COMMD1: variants seen among roughly 807,000 people sequenced by gnomAD.
The protein encoded by COMMD1 is COMM domain-containing protein 1.
Under a neutral mutation model 17.2 loss-of-function variants are expected in COMMD1, and 10 were observed. The observed-to-expected ratio is 0.58, with a 90% CI of 0.36 to 0.99. The LOEUF is 0.99. Ranked by LOEUF, COMMD1 falls within the 50% of genes least tolerant of loss-of-function variation. The probability of loss-of-function intolerance (pLI) is 0.01; values close to 1 mark genes in which losing one functional copy is unlikely to be tolerated. For missense variants in COMMD1, 270 were observed against 231.8 expected (o/e 1.17, Z -1.07); for synonymous variants, 97 against 91.6 (o/e 1.06, Z -0.34).
intron 1 of COMMD1, among the ~76,000 whole-genome samples, chr2:61,980,519 A>T: frequency 7.9e-6 from 1 of 126,292 alleles, no homozygotes; most frequent in Non-Finnish European, 1.6e-5. Flanking sequence ...GCATTTCTTC[A>T]TGTGTTTTTT....
At chr2:62,129,377 G>A (rs1231067203) in intron 2 of COMMD1, among the ~76,000 whole-genome samples, 2 of 152,166 alleles carry the variant, frequency 1.3e-5, no homozygotes, top group African/African-American at 4.8e-5. Flanking sequence ...TAATGAATAG[G>A]AAAGGACAAA....
At chr2:61,933,772 C>CTGTTTTT (rs1670531255) in intron 1 of COMMD1, among the ~76,000 whole-genome samples, 1 of 148,586 alleles carries the variant, frequency 6.7e-6, no homozygotes, top group South Asian at 2.1e-4. Flanking sequence ...TTCTTTTTTT[C>CTGTTTTT]TTTTTTTTGA....
intron 1 of COMMD1, among the ~76,000 whole-genome samples, chr2:61,898,798 A>G (rs1669602816): frequency 6.6e-6 from 1 of 152,184 alleles, no homozygotes; most frequent in Non-Finnish European, 1.5e-5. Context: ...TTCCCTTTGC[A>G]TCAAGGCTTC....
rs150878265 is a variant in COMMD1, at chr2:61,893,463, A to G, written n.119+4621A>G. On this transcript the variant is annotated intron_variant and non_coding_transcript_variant, in intron 1 of 2. Coordinates refer to the COMMD1 transcript ENST00000472729. ...GAAGTTTTGTGATGTGTGAGTAAAC[A>G]GCCAGGTTTTCTATCGAAAAACAGG... 3.0e-3 allele frequency among the ~76,000 whole-genome samples: 457 copies of G among 152,122 alleles called. 18 individuals are homozygous for G. The highest frequency in any genetic ancestry group is 0.01 in the African/African-American group (424 of 41,364).
At chr2:61,959,329 A>G (rs1030960347) in intron 1 of COMMD1, among the ~76,000 whole-genome samples, 2 of 152,244 alleles carry the variant, frequency 1.3e-5, no homozygotes, top group African/African-American at 4.8e-5. Flanking sequence ...AGGAAGGTCC[A>G]TGTTCAATGG....
chr2:62,115,549 T>C (rs1206385625), intron 2 of COMMD1, among the ~76,000 whole-genome samples: 1 of 152,184 alleles, frequency 6.6e-6, no homozygotes, highest in African/African-American at 2.4e-5. Flanking sequence ...ATAGATTTGA[T>C]TCTGGGAAAA....
intron 2 of COMMD1, among the ~76,000 whole-genome samples, chr2:62,059,417 A>G (rs2901460): frequency 0.25 from 38,456 of 152,048 alleles, 4,986 homozygotes; most frequent in Non-Finnish European, 0.28. Context: ...TGGCCTCCCA[A>G]GGTGCTGGGT....
chr2:62,109,032 A>G (rs536457130), intron 2 of COMMD1, among the ~76,000 whole-genome samples: 2 of 152,288 alleles, frequency 1.3e-5, no homozygotes, highest in Non-Finnish European at 2.9e-5. Context: ...GTAACTGTCT[A>G]CTTGGCCTGT....
At chr2:61,964,662 G>A (rs959618391) in intron 1 of COMMD1, among the ~76,000 whole-genome samples, 1 of 151,208 alleles carries the variant, frequency 6.6e-6, no homozygotes. Context: ...GTGAAACCCC[G>A]TCTCTACTAA....
At chr2:61,921,012 C>G (rs1418673379) in intron 1 of COMMD1, among the ~76,000 whole-genome samples, 1 of 143,362 alleles carries the variant, frequency 7.0e-6, no homozygotes, top group Non-Finnish European at 1.5e-5. Context: ...GAGCCTTACT[C>G]TGTCACTGAG....
At chr2:61,996,079 T>G (rs1351912611) in intron 1 of COMMD1, among the ~76,000 whole-genome samples, 1 of 152,176 alleles carries the variant, frequency 6.6e-6, no homozygotes. Context: ...AAGGGATACT[T>G]TATTACTATT....
intron 1 of COMMD1, among the ~76,000 whole-genome samples, chr2:61,924,111 A>G (rs1670262580): frequency 6.6e-6 from 1 of 152,156 alleles, no homozygotes; most frequent in Non-Finnish European, 1.5e-5. Context: ...GTGAAGCATG[A>G]ACTGTTTCAG....
At chr2:62,084,587 G>A (rs929266461) in intron 2 of COMMD1, among the ~76,000 whole-genome samples, 1 of 152,092 alleles carries the variant, frequency 6.6e-6, no homozygotes, top group African/African-American at 2.4e-5. Flanking sequence ...TTGTTCAAGG[G>A]TCAACTGTAT....
At chr2:61,966,367 G>A (rs895774388) in intron 1 of COMMD1, among the ~76,000 whole-genome samples, 2 of 152,138 alleles carry the variant, frequency 1.3e-5, no homozygotes, top group African/African-American at 4.8e-5. Flanking sequence ...TCCTTGGCCA[G>A]ATTTTACTTA....
At chr2:61,986,357 T>C (rs1002033183) in intron 1 of COMMD1, among the ~76,000 whole-genome samples, 1 of 152,050 alleles carries the variant, frequency 6.6e-6, no homozygotes, top group Non-Finnish European at 1.5e-5. Flanking sequence ...CTTGAGACAG[T>C]CTTCTTTGCA....
intron 2 of COMMD1, among the ~76,000 whole-genome samples, chr2:62,117,102 C>A (rs746368733): frequency 2.0e-5 from 3 of 152,040 alleles, no homozygotes; most frequent in African/African-American, 7.2e-5. Context: ...CTCTTTGCCC[C>A]CACACATACC....
intron 1 of COMMD1, among the ~76,000 whole-genome samples, chr2:61,980,947 T>G (rs1472159598): frequency 6.6e-6 from 1 of 152,222 alleles, no homozygotes; most frequent in Non-Finnish European, 1.5e-5. Context: ...CTTTTTTATT[T>G]CTTTTTTTGA....
At chr2:62,015,296 G>C (rs1669406446) in intron 2 of COMMD1, among the ~76,000 whole-genome samples, 1 of 152,002 alleles carries the variant, frequency 6.6e-6, no homozygotes, top group Non-Finnish European at 1.5e-5. Flanking sequence ...TTTGTGTCTG[G>C]TTTATTTTAC....
At chr2:61,919,787 C>T (rs1343543335) in intron 1 of COMMD1, among the ~76,000 whole-genome samples, 1 of 152,020 alleles carries the variant, frequency 6.6e-6, no homozygotes, top group African/African-American at 2.4e-5. Flanking sequence ...AGTTGTATAC[C>T]TCTACTATTG....
Sources: allele counts gnomAD v4.1 joint callset (sites outside exome capture counted in the v4.1 genomes callset), GRCh38; gene constraint gnomAD v4.1.1; transcripts MANE v1.5; gene names NCBI Gene and HGNC (gene_info 2026-07-23, HGNC 2026-07-21).